NTRK3: variants seen among roughly 807,000 people sequenced by gnomAD.
The protein encoded by NTRK3 is neurotrophic receptor tyrosine kinase 3, also known as NT-3 growth factor receptor.
In NTRK3, 24 loss-of-function variants were observed where a neutral mutation model predicts 91.7. The observed-to-expected ratio is 0.26, with a 90% CI of 0.19 to 0.37. The LOEUF (loss-of-function observed/expected upper bound fraction) is 0.37, where lower values mean the gene tolerates loss of function less well. NTRK3 is among the 10% of genes least tolerant of loss of function. The pLI, the probability that NTRK3 is intolerant of heterozygous loss-of-function variation, is 1.00. For missense variants in NTRK3, 880 were observed against 1,068.9 expected (o/e 0.82, Z 2.46); for synonymous variants, 483 against 404.0 (o/e 1.20, Z -2.34).
chr15:88,139,721 T>C lies in NTRK3; in HGVS notation c.465-2160A>G, dbSNP rs989130102. Among the ~76,000 whole-genome samples the C allele has an allele frequency of 1.3e-5, 2 of 152,054 alleles. 1 individual carries two copies. The highest frequency in any genetic ancestry group is 4.8e-5 in the African/African-American group (2 of 41,396). Reference sequence around the variant, plus strand: ...GGCCCTCTCTGATGTTTGGAGGGGTTAAGTCACATGTGCAAGGTCTTTGGC... The same window carrying C: ...GGCCCTCTCTGATGTTTGGAGGGGTCAAGTCACATGTGCAAGGTCTTTGGC... On this transcript the variant is annotated intron_variant, in intron 6 of 18. Coordinates refer to ENST00000394480, the Ensembl canonical transcript of NTRK3.
intron 13 of NTRK3, among the ~76,000 whole-genome samples, chr15:88,043,127 C>A (rs1212065424): frequency 6.6e-6 from 1 of 152,162 alleles, no homozygotes; most frequent in African/African-American, 2.4e-5. Context: ...ATTCATAGCA[C>A]AGGAATGGCC....
Position 88,093,064 on chromosome 15 carries a change from T to G in NTRK3, c.1396+33207A>C, listed in dbSNP as rs932444004. Among the ~76,000 whole-genome samples, 8 of 150,936 alleles carry G rather than the reference T, an allele frequency of 5.3e-5. No individual in the cohort carries two copies. In the South Asian group the frequency reaches 1.3e-3, roughly 24 times the overall value. On this transcript the variant is annotated intron_variant, in intron 13 of 18. Transcript: ENST00000394480. Reference sequence around the variant, plus strand: ...TTTTTTTTGGCTTTGGGGTTTTTTTTGTTTTTTTTGTTTTTTTTTTTTTGT... The same window carrying G: ...TTTTTTTTGGCTTTGGGGTTTTTTTGGTTTTTTTTGTTTTTTTTTTTTTGT...
chr15:88,080,773 T>A (rs1389364059), intron 13 of NTRK3, among the ~76,000 whole-genome samples: 1 of 152,208 alleles, frequency 6.6e-6, no homozygotes, highest in African/African-American at 2.4e-5. Flanking sequence ...CCTGGTTTCA[T>A]CAGAGGTGGA....
At chr15:88,119,603 A>G (rs2052482480) in intron 13 of NTRK3, among the ~76,000 whole-genome samples, 1 of 152,212 alleles carries the variant, frequency 6.6e-6, no homozygotes, top group African/African-American at 2.4e-5. Flanking sequence ...TTACACCAGG[A>G]ATCCCAAGTA....
At chr15:88,001,214 T>G (rs919665994) in intron 14 of NTRK3, among the ~76,000 whole-genome samples, 1 of 152,130 alleles carries the variant, frequency 6.6e-6, no homozygotes. Flanking sequence ...GAGTTGTAAG[T>G]GTTCTTTATA....
intron 13 of NTRK3, among the ~76,000 whole-genome samples, chr15:88,113,397 C>A (rs1044355849): frequency 6.9e-6 from 1 of 145,574 alleles, no homozygotes; most frequent in African/African-American, 2.6e-5. Context: ...CTCACTGCAA[C>A]CTCTGCCTCC....
chr15:88,210,314 G>A (rs1444651951), intron 3 of NTRK3, among the ~76,000 whole-genome samples: 6 of 152,156 alleles, frequency 3.9e-5, no homozygotes, highest in African/African-American at 9.7e-5. Context: ...AGAGCAGCCC[G>A]ATTCCAAAAC....
intron 14 of NTRK3, among the ~76,000 whole-genome samples, chr15:87,976,782 T>A (rs1464228102): frequency 6.6e-6 from 1 of 152,106 alleles, no homozygotes; most frequent in Non-Finnish European, 1.5e-5. Flanking sequence ...GAATGACAAG[T>A]GTGTTGACCT....
intron 3 of NTRK3, among the ~76,000 whole-genome samples, chr15:88,203,246 C>G (rs1351695135): frequency 1.3e-5 from 2 of 152,108 alleles, no homozygotes; most frequent in African/African-American, 2.4e-5. Flanking sequence ...AATCACTTGC[C>G]CTTGAATATT....
At chr15:88,106,767 C>T (rs1279804392) in intron 13 of NTRK3, among the ~76,000 whole-genome samples, 7 of 151,944 alleles carry the variant, frequency 4.6e-5, no homozygotes, top group Non-Finnish European at 1.0e-4. Context: ...CCTGTCTCTA[C>T]TAAAAATACA....
chr15:88,084,860 TCTGGACAGCCA>T (rs2048359339), intron 13 of NTRK3, among the ~76,000 whole-genome samples: 1 of 152,208 alleles, frequency 6.6e-6, no homozygotes, highest in Admixed American at 6.5e-5. Context: ...CTGGTCAGCC[TCTGGACAGCCA>T]CATCCTCCCT....
intron 13 of NTRK3, among the ~76,000 whole-genome samples, chr15:88,106,567 G>A (rs898757895): frequency 6.6e-6 from 1 of 152,082 alleles, no homozygotes; most frequent in Non-Finnish European, 1.5e-5. Context: ...AAAGAGTGTT[G>A]TGTGAAAAAA....
chr15:88,246,788 G>A (rs2052870855), intron 3 of NTRK3, among the ~76,000 whole-genome samples: 1 of 152,180 alleles, frequency 6.6e-6, no homozygotes, highest in Non-Finnish European at 1.5e-5. Context: ...CACATCCCTG[G>A]ACTGCAGAGA....
chr15:88,171,657 G>A (rs942870083), intron 5 of NTRK3, among the ~76,000 whole-genome samples: 1 of 152,166 alleles, frequency 6.6e-6, no homozygotes, highest in African/African-American at 2.4e-5. Context: ...GCCCTGCAGG[G>A]TAGGAATTAT....
chr15:87,873,356 T>C (rs879274004), exon 19 of NTRK3: 2 of 228,722 alleles, frequency 8.7e-6, no homozygotes, highest in African/African-American at 2.2e-5. Flanking sequence ...AGTTCAGGGA[T>C]ATCATTAGAG....
chr15:88,179,484 T>C (rs2046277327), intron 5 of NTRK3, among the ~76,000 whole-genome samples: 1 of 152,172 alleles, frequency 6.6e-6, no homozygotes, highest in Non-Finnish European at 1.5e-5. Flanking sequence ...AGATAATGTA[T>C]GGAAAAGCAC....
intron 3 of NTRK3, among the ~76,000 whole-genome samples, chr15:88,185,042 G>A (rs1472170372): frequency 6.6e-6 from 1 of 152,208 alleles, no homozygotes; most frequent in African/African-American, 2.4e-5. Flanking sequence ...CCACCTCTCT[G>A]AGTCTCTCAT....
chr15:88,147,505 CCTTCTTCTTCTTCTTCTTCTTCTTCTT>C (rs34299110), intron 5 of NTRK3, 102 bp from the exon 6 acceptor site: 131 of 659,988 alleles, frequency 2.0e-4, no homozygotes, highest in East Asian at 1.2e-3. Context: ...GCTTTGTTTT[CCTTCTTCTTCTTCTTCTTCTTCTTCTT>C]CTTCTTCTTC....
intron 3 of NTRK3, among the ~76,000 whole-genome samples, chr15:88,226,611 C>A (rs998048367): frequency 1.4e-4 from 22 of 152,262 alleles, no homozygotes; most frequent in African/African-American, 5.3e-4. Flanking sequence ...TGCCCTCCAT[C>A]CTGACATACC....
Sources: gnomAD v4.1 joint callset for allele counts (sites outside exome capture counted in the v4.1 genomes callset) on GRCh38, gnomAD v4.1.1 for gene constraint, MANE v1.5 for transcripts, NCBI Gene and HGNC (gene_info 2026-07-23, HGNC 2026-07-21) for gene names.